Variants in EFNA5 observed in about 807,000 individuals in gnomAD.
EFNA5 encodes ephrin-A5.
EFNA5 carries 5 observed loss-of-function variants against 22.9 expected under a neutral mutation model. The ratio of observed to expected loss-of-function variants is 0.22; its 90% CI spans 0.11 to 0.46. The LOEUF (loss-of-function observed/expected upper bound fraction) is 0.46. Among genes scored for constraint, EFNA5 ranks in the 20% least tolerant of loss-of-function variants. EFNA5 has a pLI of 0.99. For missense variants in EFNA5, 237 were observed against 293.3 expected (o/e 0.81, Z 1.40); for synonymous variants, 113 against 112.2 (o/e 1.01, Z -0.04).
chr5:107,526,694 T>A (rs1461054299), intron 1 of EFNA5, among the ~76,000 whole-genome samples: 1 of 152,156 alleles, frequency 6.6e-6, no homozygotes, highest in African/African-American at 2.4e-5. Context: ...TTCTAACAAC[T>A]AAATCAGTAG....
At chr5:107,389,430 T>C (rs1747726697) in intron 2 of EFNA5, among the ~76,000 whole-genome samples, 1 of 152,098 alleles carries the variant, frequency 6.6e-6, no homozygotes, top group African/African-American at 2.4e-5. Flanking sequence ...TTCATGAGAG[T>C]TAGTGTGAAA....
chr5:107,532,297 G>A (rs1018320009), intron 1 of EFNA5, among the ~76,000 whole-genome samples: 1 of 152,224 alleles, frequency 6.6e-6, no homozygotes, highest in East Asian at 1.9e-4. Context: ...GGAGACATCT[G>A]ATAGGTAAAG....
At chr5:107,561,430 G>A (rs1029427753) in intron 1 of EFNA5, among the ~76,000 whole-genome samples, 13 of 152,044 alleles carry the variant, frequency 8.6e-5, no homozygotes, top group East Asian at 3.9e-4. Flanking sequence ...GTGCAATGGC[G>A]CTATCTTGGC....
At chr5:107,630,298 G>A (rs1750222247) in intron 1 of EFNA5, among the ~76,000 whole-genome samples, 3 of 152,168 alleles carry the variant, frequency 2.0e-5, no homozygotes, top group African/African-American at 7.2e-5. Flanking sequence ...CTGTGTGAAA[G>A]TCATACAGTG....
chr5:107,476,791 T>C (rs1750325161), intron 1 of EFNA5, among the ~76,000 whole-genome samples: 2 of 151,870 alleles, frequency 1.3e-5, no homozygotes, highest in African/African-American at 2.4e-5. Flanking sequence ...GTTGTCACAG[T>C]GTATAAAACA....
At chr5:107,538,161 G>A (rs967146060) in intron 1 of EFNA5, among the ~76,000 whole-genome samples, 1 of 152,132 alleles carries the variant, frequency 6.6e-6, no homozygotes, top group Non-Finnish European at 1.5e-5. Flanking sequence ...TCCACAAAGG[G>A]TGCATCTCCA....
chr5:107,622,899 T>TA (rs1315151532), intron 1 of EFNA5, among the ~76,000 whole-genome samples: 8 of 150,968 alleles, frequency 5.3e-5, no homozygotes, highest in Non-Finnish European at 7.4e-5. Flanking sequence ...CGGGCGCCTG[T>TA]AGTCCCAGCT....
chr5:107,599,015 T>C (rs540122884), intron 1 of EFNA5, among the ~76,000 whole-genome samples: 3 of 152,298 alleles, frequency 2.0e-5, no homozygotes, highest in African/African-American at 7.2e-5. Context: ...ATGGCTTCCC[T>C]AGTCAGGAAG....
chr5:107,649,188 AAC>A (rs779655984), intron 1 of EFNA5, among the ~76,000 whole-genome samples: 1 of 152,170 alleles, frequency 6.6e-6, no homozygotes, highest in Non-Finnish European at 1.5e-5. Context: ...AAAGATGAAA[AAC>A]AGAGTCCCAG....
intron 1 of EFNA5, among the ~76,000 whole-genome samples, chr5:107,523,356 C>G (rs948155247): frequency 1.3e-5 from 2 of 152,018 alleles, no homozygotes; most frequent in Non-Finnish European, 2.9e-5. Context: ...TTTGCTTAAA[C>G]CCCAAACAAT....
rs1398910982 is a variant in EFNA5, at chr5:107,591,933, AAT to A, written c.125+78554_125+78555del. 1.1e-3 allele frequency among the ~76,000 whole-genome samples: 17 copies of A among 15,860 alleles called. 3 individuals carry two copies. The highest frequency in any genetic ancestry group is 8.7e-3 in the African/African-American group (17 of 1,954). 10.4% of individuals were successfully genotyped at this position (15,860 alleles called of 152,430 possible). The stretch of plus-strand genomic sequence containing the variant: ...TATAAAAAATATATATATAATATAT[AAT>A]ATATATATTATATATAATATATAAT... On this transcript the variant is annotated intron_variant, in intron 1 of 4. Coordinates refer to ENST00000333274, the MANE Select transcript of EFNA5 (RefSeq NM_001962.3).
intron 1 of EFNA5, among the ~76,000 whole-genome samples, chr5:107,555,156 T>TG (rs1303696167): frequency 6.6e-6 from 1 of 152,242 alleles, no homozygotes; most frequent in Admixed American, 6.5e-5. Context: ...TAATGAGTCT[T>TG]GGCAAACTCT....
chr5:107,659,321 G>A (rs1364048123), intron 1 of EFNA5, among the ~76,000 whole-genome samples: 3 of 151,972 alleles, frequency 2.0e-5, no homozygotes, highest in East Asian at 3.9e-4. Flanking sequence ...AATAGTAATG[G>A]AAAACATTAT....
At chr5:107,416,265 T>A (rs1250773708) in intron 2 of EFNA5, among the ~76,000 whole-genome samples, 2 of 152,190 alleles carry the variant, frequency 1.3e-5, no homozygotes, top group African/African-American at 4.8e-5. Flanking sequence ...CTACCTAAGT[T>A]CCAAGGTGAA....
At chr5:107,459,269 C>G (rs1272315109) in intron 1 of EFNA5, among the ~76,000 whole-genome samples, 1 of 151,432 alleles carries the variant, frequency 6.6e-6, no homozygotes, top group African/African-American at 2.4e-5. Context: ...TTGGGAATAG[C>G]TTGAACCTGG....
chr5:107,518,440 A>C (rs39918), intron 1 of EFNA5, among the ~76,000 whole-genome samples: 1 of 152,056 alleles, frequency 6.6e-6, no homozygotes, highest in African/African-American at 2.4e-5. Flanking sequence ...AGTCCTGATC[A>C]TGCTTAATAG....
At chr5:107,651,809 AC>A (rs1174564761) in intron 1 of EFNA5, among the ~76,000 whole-genome samples, 3 of 152,152 alleles carry the variant, frequency 2.0e-5, no homozygotes, top group African/African-American at 7.2e-5. Flanking sequence ...TTAACCACTT[AC>A]AAATGAAGCC....
chr5:107,623,950 T>C (rs192464485), intron 1 of EFNA5, among the ~76,000 whole-genome samples: 46 of 152,008 alleles, frequency 3.0e-4, no homozygotes, highest in African/African-American at 9.9e-4. Flanking sequence ...TAAAGAAAGG[T>C]AGAATTTTTT....
chr5:107,564,404 C>G (rs965487957), intron 1 of EFNA5, among the ~76,000 whole-genome samples: 5 of 152,308 alleles, frequency 3.3e-5, no homozygotes, highest in African/African-American at 9.6e-5. Context: ...ACATATACAG[C>G]ATTTGGTATG....
Sources: gnomAD v4.1 joint callset for allele counts (sites outside exome capture counted in the v4.1 genomes callset) on GRCh38, gnomAD v4.1.1 for gene constraint, MANE v1.5 for transcripts, NCBI Gene and HGNC (gene_info 2026-07-23, HGNC 2026-07-21) for gene names.